Variants in SEH1L observed in about 807,000 individuals in gnomAD.
SEH1L encodes the protein SEH1 like nucleoporin.
SEH1L carries 18 observed loss-of-function variants against 49.5 expected under a neutral mutation model. The observed-to-expected ratio is 0.36, with a 90% CI of 0.25 to 0.54. The LOEUF is 0.54. SEH1L is among the 20% of genes least tolerant of loss of function. SEH1L has a pLI of 0.87. For synonymous variants in SEH1L, 169 were observed against 178.1 expected (o/e 0.95, Z 0.41); for missense variants, 404 against 528.8 (o/e 0.76, Z 2.31).
chr18:12,948,150 A>T lies in SEH1L; in HGVS notation c.29A>T (p.Asp10Val). 1 of 1,609,556 alleles carries T rather than the reference A, an allele frequency of 6.2e-7. No homozygotes were observed. The highest frequency in any genetic ancestry group is 8.5e-7 in the Non-Finnish European group (1 of 1,178,786). The change falls in exon 1 of 9, where the codon GAC becomes GTC. Residue 10 changes from aspartate (D) to valine (V), a missense_variant. By Grantham distance (152) the Asp-to-Val change is radical (BLOSUM62 -3). This residue lies in a region of SEH1L where 57 missense variants were observed against 71.9 expected (regional missense o/e 0.79). Transcript: ENST00000399892. ...TTTGTGGCTCGCAGCATCGCGGCGG[A>T]CCACAAGGATCTCATCCACGATGTC... MFVARSIAADHKDLIHDVSF... is the reference protein window; with the variant it reads MFVARSIAAVHKDLIHDVSF...
intron 6 of SEH1L, among the ~76,000 whole-genome samples, chr18:12,980,214 A>AC (rs1214875326): frequency 4.3e-5 from 4 of 92,172 alleles, no homozygotes; most frequent in Non-Finnish European, 6.4e-5. Context: ...CGGGGGGCTG[A>AC]CCCCCCCACC....
At chr18:12,957,732 A>G (rs1022298375) in intron 3 of SEH1L, among the ~76,000 whole-genome samples, 2 of 152,156 alleles carry the variant, frequency 1.3e-5, no homozygotes, top group Non-Finnish European at 2.9e-5. Context: ...GTGTCCTGCT[A>G]TTACCCCTCA....
chr18:12,956,772 G>A (rs935392491), intron 3 of SEH1L, among the ~76,000 whole-genome samples: 8 of 150,988 alleles, frequency 5.3e-5, no homozygotes, highest in Non-Finnish European at 1.0e-4. Context: ...AGTTGCTTCA[G>A]AGTTTAGCGT....
In SEH1L at chr18:12,986,349, T is replaced by A. The variant is rs537037602; in HGVS notation, c.1071-513T>A. The A allele has an allele frequency of 5.1e-6, 5 of 985,512 alleles. No individual in the cohort carries two copies. The South Asian group carries it at 2.3e-4, about 46-fold the overall frequency. The allele number at this position is 985,512 out of a possible 1,614,324, so 61.0% of individuals were successfully genotyped here. A position where few individuals can be genotyped will look rare whatever the true frequency, so the allele number is the denominator to read the frequency against. On this transcript the variant is annotated intron_variant, in intron 8 of 8. Transcript: ENST00000399892. The stretch of plus-strand genomic sequence containing the variant: ...CTATTCTAAGGCTTTTGCAGAAAAA[T>A]AAGTGTTCAATGTTTGTAGTTCTTC...
At chr18:12,962,869 T>A (rs981917314) in intron 3 of SEH1L, among the ~76,000 whole-genome samples, 1 of 151,988 alleles carries the variant, frequency 6.6e-6, no homozygotes, top group Non-Finnish European at 1.5e-5. Context: ...TTGTGATCAG[T>A]TTGCTTAAGA....
In SEH1L at chr18:12,965,767, A is replaced by G. The variant is rs148490489; in HGVS notation, c.521+2396A>G. Among the ~76,000 whole-genome samples the G allele has an allele frequency of 6.2e-3, 941 of 152,298 alleles. 8 individuals carry two copies. The highest frequency in any genetic ancestry group is 9.6e-3 in the Non-Finnish European group (656 of 68,040). ...TTGACATTTTTTATGATGGATTTTG[A>G]TAGCCAATGGAAATGAGTTTTAATG... On this transcript the variant is annotated intron_variant, in intron 4 of 8. Coordinates refer to ENST00000399892, the MANE Select transcript of SEH1L (RefSeq NM_001013437.2).
chr18:12,974,402 C>T (rs1439242379), intron 5 of SEH1L: 1 of 152,192 alleles, frequency 6.6e-6, no homozygotes, highest in Non-Finnish European at 1.5e-5. Context: ...GCCTCAGCCT[C>T]CCCGGTAGCT....
intron 5 of SEH1L, 39 bp downstream of exon 5, chr18:12,971,290 C>A: frequency 1.6e-6 from 2 of 1,261,048 alleles, no homozygotes; most frequent in African/African-American, 1.5e-5. Flanking sequence ...TTCAGAATTG[C>A]ATTTAATTTT....
intron 7 of SEH1L, among the ~76,000 whole-genome samples, chr18:12,983,484 T>C (rs1342007464): frequency 6.6e-6 from 1 of 152,210 alleles, no homozygotes; most frequent in Non-Finnish European, 1.5e-5. Context: ...CACCTTGCCA[T>C]GCTCCCCAGC....
rs777907389 is a variant in SEH1L, at chr18:12,987,093, G to T, written c.*36G>T. The T allele has an allele frequency of 1.5e-6, 2 of 1,358,754 alleles. No homozygotes were observed. The highest frequency in any genetic ancestry group is 1.5e-5 in the African/African-American group (1 of 66,960). The allele number at this position is 1,358,754 out of a possible 1,614,324, so 84.2% of individuals were successfully genotyped here. A position where few individuals can be genotyped will look rare whatever the true frequency, so the allele number is the denominator to read the frequency against. On this transcript the variant is annotated 3_prime_UTR_variant, in exon 9 of 9. Transcript: ENST00000399892. ...TAACATTGAAAGGCCTTATTCAAGTGCTTGTAAATGCTTTCATTTCTGGCT... is the reference window on the plus strand; with the variant it reads ...TAACATTGAAAGGCCTTATTCAAGTTCTTGTAAATGCTTTCATTTCTGGCT...
chr18:12,972,568 A>C (rs1300277031), intron 5 of SEH1L: 7 of 152,180 alleles, frequency 4.6e-5, no homozygotes, highest in Non-Finnish European at 7.3e-5. Context: ...TAATAGTCAG[A>C]TCTTAGGCAG....
intron 3 of SEH1L, 85 bp downstream of exon 3, chr18:12,955,694 T>TA (rs2030810199): frequency 7.3e-6 from 10 of 1,367,102 alleles, no homozygotes; most frequent in African/African-American, 1.4e-5. Context: ...AGATAATTGG[T>TA]AAAATATCAC....
chr18:12,981,040 C>T (rs2032227243), intron 6 of SEH1L, among the ~76,000 whole-genome samples: 1 of 150,594 alleles, frequency 6.6e-6, no homozygotes, highest in African/African-American at 2.4e-5. Flanking sequence ...GGCTGCCGGG[C>T]GGAGGGGCTT....
At chr18:12,969,097 C>A (rs574945925) in intron 4 of SEH1L, among the ~76,000 whole-genome samples, 1 of 150,946 alleles carries the variant, frequency 6.6e-6, no homozygotes, top group African/African-American at 2.4e-5. Context: ...GTAATGCTAG[C>A]TACTCAGGAG....
At chr18:12,971,478 C>A (rs1043808164) in intron 5 of SEH1L, 2 of 275,478 alleles carry the variant, frequency 7.3e-6, no homozygotes, top group Non-Finnish European at 1.4e-5. Flanking sequence ...ACTAAAAGTA[C>A]AAAAAATTAG....
At chr18:12,950,104 G>T (rs2030427571) in intron 1 of SEH1L, among the ~76,000 whole-genome samples, 1 of 151,586 alleles carries the variant, frequency 6.6e-6, no homozygotes, top group African/African-American at 2.4e-5. Flanking sequence ...TGCGATCTTG[G>T]CTTGTTGCAG....
chr18:12,982,207 T>C (rs1159829993), intron 6 of SEH1L, among the ~76,000 whole-genome samples: 1 of 152,192 alleles, frequency 6.6e-6, no homozygotes, highest in East Asian at 1.9e-4. Flanking sequence ...TCTATTTTAT[T>C]CTTCTGCCTT....
At position 12,986,928 on chromosome 18, in the gene SEH1L, TCCTC is replaced by T. The variant is rs2032486816; in HGVS notation, c.1139_1142del (p.Pro380LeufsTer7). On this transcript the variant is annotated frameshift_variant, in exon 9 of 9. Transcript: ENST00000399892. LOFTEE classifies it high-confidence loss of function. ...GATGGTCCAGTTATGCCCAGCTCCT[TCCTC>T]CTCCTCCTCCTCCTCTGGTAGAGCA... 2 of 1,338,948 alleles carry T rather than the reference TCCTC, an allele frequency of 1.5e-6. No homozygotes were observed. 82.9% of individuals were successfully genotyped at this position (1,338,948 alleles called of 1,614,324 possible).
intron 3 of SEH1L, among the ~76,000 whole-genome samples, chr18:12,956,822 T>A (rs1050403246): frequency 6.6e-6 from 1 of 151,842 alleles, no homozygotes; most frequent in African/African-American, 2.4e-5. Flanking sequence ...GTCCACCATT[T>A]TACTTGCAAA....
Sources: gnomAD v4.1 joint callset for allele counts (sites outside exome capture counted in the v4.1 genomes callset) on GRCh38, gnomAD v4.1.1 for gene constraint, gnomAD v4.1.1 regional missense constraint, MANE v1.5 for transcripts, NCBI Gene and HGNC (gene_info 2026-07-23, HGNC 2026-07-21) for gene names.